MACROD2: variants seen among roughly 807,000 people sequenced by gnomAD.
MACROD2 encodes ADP-ribose glycohydrolase MACROD2.
Under a neutral mutation model 70.4 loss-of-function variants are expected in MACROD2, and 36 were observed. That is an observed-to-expected ratio of 0.51 (90% CI 0.39 to 0.68). The LOEUF is 0.68. Among genes scored for constraint, MACROD2 ranks in the 30% least tolerant of loss-of-function variants. MACROD2 has a pLI of 0.00. For missense variants in MACROD2, 496 were observed against 538.4 expected, an observed-to-expected ratio of 0.92 and a Z score of 0.78; for synonymous variants, 172 against 178.8, an observed-to-expected ratio of 0.96 and a Z score of 0.30.
chr20:14,750,810 CA>C (rs1217584508), intron 5 of MACROD2, among the ~76,000 whole-genome samples: 12 of 151,808 alleles, frequency 7.9e-5, no homozygotes, highest in African/African-American at 2.9e-4. Flanking sequence ...CAAAATACAC[CA>C]AAACTGGTTA....
chr20:15,077,828 A>G (rs1268318337), intron 5 of MACROD2, among the ~76,000 whole-genome samples: 5 of 152,108 alleles, frequency 3.3e-5, no homozygotes, highest in Non-Finnish European at 7.4e-5. Context: ...GACACACTAG[A>G]GGGACCATAG....
intron 7 of MACROD2, among the ~76,000 whole-genome samples, chr20:15,483,807 T>A (rs2047129488): frequency 1.3e-5 from 2 of 152,134 alleles, no homozygotes; most frequent in African/African-American, 4.8e-5. Context: ...CCTAAGTATT[T>A]CATTTTCAGG....
chr20:15,630,070 A>C (rs1568939632), intron 8 of MACROD2, among the ~76,000 whole-genome samples: 1 of 152,162 alleles, frequency 6.6e-6, no homozygotes, highest in Non-Finnish European at 1.5e-5. Flanking sequence ...TCCAGCCCAT[A>C]GTGCTTCCGG....
At chr20:14,126,090 C>G (rs1272810043) in intron 3 of MACROD2, among the ~76,000 whole-genome samples, 1 of 152,120 alleles carries the variant, frequency 6.6e-6, no homozygotes, top group East Asian at 1.9e-4. Context: ...TTTACTATAG[C>G]TGCCACAACA....
rs369396559 is a variant in MACROD2, at chr20:15,981,712, T to C, written c.986-5015T>C. 4.1e-4 allele frequency among the ~76,000 whole-genome samples: 62 copies of C among 152,332 alleles called. 1 individual carries two copies. The highest frequency in any genetic ancestry group is 6.8e-3 in the Middle Eastern group (2 of 294). On this transcript the variant is annotated intron_variant, in intron 13 of 17. Transcript: ENST00000684519. ...TTCTGGAGAGCGTCTTTGAACCTCC[T>C]TTCTTATTAGGCTGTTTATGCTAGG...
At chr20:15,441,196 A>T (rs967787426) in intron 7 of MACROD2, among the ~76,000 whole-genome samples, 1 of 152,178 alleles carries the variant, frequency 6.6e-6, no homozygotes, top group Admixed American at 6.5e-5. Context: ...TCTCATTCAC[A>T]GAAACATTGA....
intron 2 of MACROD2, among the ~76,000 whole-genome samples, chr20:14,029,109 A>C (rs986440443): frequency 6.6e-6 from 1 of 152,154 alleles, no homozygotes; most frequent in Non-Finnish European, 1.5e-5. Flanking sequence ...TCTTTCTTCA[A>C]CTGTTCGTTA....
intron 6 of MACROD2, among the ~76,000 whole-genome samples, chr20:15,278,386 A>G (rs984958363): frequency 6.6e-6 from 1 of 152,186 alleles, no homozygotes; most frequent in South Asian, 2.1e-4. Context: ...TTGACAGATC[A>G]GATAGAAAAG....
chr20:15,782,717 CAAAAAAAA>C (rs11472322), intron 8 of MACROD2, among the ~76,000 whole-genome samples: 5 of 83,350 alleles, frequency 6.0e-5, no homozygotes, highest in Non-Finnish European at 4.9e-5. Flanking sequence ...AGAGAAATGG[CAAAAAAAA>C]AAAAAAAAAA....
chr20:16,038,532 G>T (rs73111762), intron 15 of MACROD2, among the ~76,000 whole-genome samples: 15,781 of 143,938 alleles, frequency 0.11, 955 homozygotes, highest in East Asian at 0.17. Flanking sequence ...TTTTTGTGGG[G>T]TTTTTTTTTT....
intron 4 of MACROD2, among the ~76,000 whole-genome samples, chr20:14,563,943 T>C (rs150260553): frequency 0.012 from 1,798 of 152,008 alleles, 17 homozygotes; most frequent in South Asian, 0.022. Flanking sequence ...ACTTGACTTC[T>C]AACTATACTA....
At chr20:15,026,129 T>C (rs1354696070) in intron 5 of MACROD2, among the ~76,000 whole-genome samples, 3 of 152,196 alleles carry the variant, frequency 2.0e-5, no homozygotes, top group Non-Finnish European at 2.9e-5. Context: ...GAACATTAAT[T>C]AGTTCTCTGA....
chr20:14,271,281 T>G (rs2082193118), intron 3 of MACROD2, among the ~76,000 whole-genome samples: 2 of 152,128 alleles, frequency 1.3e-5, no homozygotes, highest in South Asian at 4.1e-4. Context: ...GGCCAGGTAC[T>G]CCTCTGAGAC....
intron 2 of MACROD2, among the ~76,000 whole-genome samples, chr20:14,030,941 A>G (rs943421167): frequency 2.6e-5 from 4 of 152,220 alleles, no homozygotes; most frequent in African/African-American, 9.7e-5. Flanking sequence ...AGAGATAGGC[A>G]TAGATATATC....
At chr20:15,011,909 G>T (rs1325762604) in intron 5 of MACROD2, among the ~76,000 whole-genome samples, 2 of 152,094 alleles carry the variant, frequency 1.3e-5, no homozygotes, top group Non-Finnish European at 2.9e-5. Flanking sequence ...GTGTGCTCTT[G>T]GCACTCATGT....
chr20:14,909,096 G>A (rs935003921), intron 5 of MACROD2, among the ~76,000 whole-genome samples: 1 of 152,094 alleles, frequency 6.6e-6, no homozygotes, highest in African/African-American at 2.4e-5. Context: ...ATAGTGTGAG[G>A]GGATGAGATC....
intron 7 of MACROD2, among the ~76,000 whole-genome samples, chr20:15,441,043 A>G (rs149085258): frequency 3.8e-4 from 58 of 152,316 alleles, no homozygotes; most frequent in African/African-American, 1.3e-3. Context: ...GCCTATCTCT[A>G]TCATAGCTCG....
At chr20:15,446,918 C>T (rs1375743430) in intron 7 of MACROD2, among the ~76,000 whole-genome samples, 1 of 152,060 alleles carries the variant, frequency 6.6e-6, no homozygotes, top group Non-Finnish European at 1.5e-5. Context: ...TGAAAATGTG[C>T]CTCGTGGCCA....
chr20:14,680,837 G>C (rs2070923373), intron 4 of MACROD2, among the ~76,000 whole-genome samples: 1 of 151,962 alleles, frequency 6.6e-6, no homozygotes. Context: ...AATTTCAGGA[G>C]TCATAGGAAA....
Sources: allele counts gnomAD v4.1 joint callset (sites outside exome capture counted in the v4.1 genomes callset), GRCh38; gene constraint gnomAD v4.1.1; transcripts MANE v1.5; gene names NCBI Gene and HGNC (gene_info 2026-07-23, HGNC 2026-07-21).